The following SCAPER variants were observed in gnomAD, a reference collection of about 807,000 sequenced individuals.
SCAPER encodes the protein S phase cyclin A-associated protein in the endoplasmic reticulum.
Under a neutral mutation model 182.2 loss-of-function variants are expected in SCAPER, and 98 were observed. The ratio of observed to expected loss-of-function variants is 0.54; its 90% confidence interval spans 0.46 to 0.64. The LOEUF (loss-of-function observed/expected upper bound fraction) is 0.64. SCAPER is among the 30% of genes least tolerant of loss of function. SCAPER has a pLI of 0.00. For synonymous variants in SCAPER, 605 were observed against 564.6 expected (o/e 1.07, Z -1.01); for missense variants, 1,432 against 1,690.0 (o/e 0.85, Z 2.68).
At chr15:76,581,893 G>T (rs763504565) in intron 22 of SCAPER, among the ~76,000 whole-genome samples, 1 of 151,968 alleles carries the variant, frequency 6.6e-6, no homozygotes, top group Non-Finnish European at 1.5e-5. Context: ...GCCTGAAAAA[G>T]CATTTGATAA....
intron 2 of SCAPER, among the ~76,000 whole-genome samples, chr15:76,872,370 T>C (rs1338388902): frequency 6.6e-6 from 1 of 151,732 alleles, no homozygotes; most frequent in East Asian, 1.9e-4. Flanking sequence ...GCAGGATAAA[T>C]ACAAAGAAAA....
chr15:76,608,857 T>G (rs1196594666), intron 22 of SCAPER, among the ~76,000 whole-genome samples: 1 of 152,128 alleles, frequency 6.6e-6, no homozygotes, highest in Non-Finnish European at 1.5e-5. Context: ...TGTGCCGTTT[T>G]TTAAGCCCGT....
chr15:76,728,700 C>T lies in SCAPER; in HGVS notation c.2060G>A (p.Arg687His), dbSNP rs371718195. 1.5e-5 allele frequency: 24 copies of T among 1,612,766 alleles called. No homozygotes were observed. The highest frequency in any genetic ancestry group is 1.2e-4 in the South Asian group (11 of 91,048). The change falls in exon 17 of 32, where the codon CGT (arginine) becomes CAT (histidine). Residue 687 changes from arginine to histidine, a missense_variant. By Grantham distance (29) the Arg-to-His change is conservative. Around this residue, in one of 5 missense-constraint regions of SCAPER, gnomAD observed 88 missense variants for 184.2 expected, o/e 0.48. Transcript: ENST00000563290. Reference sequence around the variant, plus strand: ...CCTCTTCATTAACAATTCTTCTACACGGGCCTGCCGCTCTGCCTCTAGAGC... The same window carrying T: ...CCTCTTCATTAACAATTCTTCTACATGGGCCTGCCGCTCTGCCTCTAGAGC... ...KRALEAERQA[R>H]VEELLMKRKE...
chr15:76,534,348 C>T (rs2043944700), intron 23 of SCAPER, among the ~76,000 whole-genome samples: 2 of 152,074 alleles, frequency 1.3e-5, no homozygotes, highest in Admixed American at 1.3e-4. Context: ...TTAGTGGTCA[C>T]CAAGGGAGCA....
intron 17 of SCAPER, among the ~76,000 whole-genome samples, chr15:76,711,506 T>G (rs1194959658): frequency 1.3e-5 from 2 of 152,190 alleles, no homozygotes; most frequent in Non-Finnish European, 2.9e-5. Flanking sequence ...AACTTGTATA[T>G]TTAAAAAACT....
At chr15:76,603,993 T>C (rs1160596706) in intron 22 of SCAPER, among the ~76,000 whole-genome samples, 3 of 121,572 alleles carry the variant, frequency 2.5e-5, no homozygotes, top group African/African-American at 7.6e-5. Context: ...AGTCTGATGG[T>C]AGTTTCTTTT....
rs913710028 is a variant in SCAPER at position 76,550,109 on chromosome 15, A to AAAAAC, written c.2838+24044_2838+24048dup. On this transcript the variant is annotated intron_variant, in intron 23 of 31. Transcript: ENST00000563290. ...AAGGAACTCAAATAACCCAACAGTA[A>AAAAAC]AAAACAAAACAAAACAAAACAAAAC... Among the ~76,000 whole-genome samples, 28 of 152,314 alleles carry AAAAAC rather than the reference A, an allele frequency of 1.8e-4. 1 individual carries two copies. The South Asian group carries it at 2.9e-3, about 16-fold the overall frequency.
At chr15:76,515,171 C>T (rs1387003935) in intron 23 of SCAPER, among the ~76,000 whole-genome samples, 1 of 152,154 alleles carries the variant, frequency 6.6e-6, no homozygotes, top group East Asian at 1.9e-4. Context: ...AGGAACAATT[C>T]CTTTGCGATG....
chr15:76,363,022 T>C (rs909933945), intron 29 of SCAPER, among the ~76,000 whole-genome samples: 1 of 152,208 alleles, frequency 6.6e-6, no homozygotes, highest in Non-Finnish European at 1.5e-5. Context: ...TAAACACTTA[T>C]GTCACTGGGA....
At chr15:76,693,204 C>T in intron 20 of SCAPER, among the ~76,000 whole-genome samples, 1 of 152,042 alleles carries the variant, frequency 6.6e-6, no homozygotes, top group East Asian at 1.9e-4. Context: ...TAGATCCTTT[C>T]CTAGAAAATG....
intron 17 of SCAPER, among the ~76,000 whole-genome samples, chr15:76,721,735 A>G (rs1454742812): frequency 6.6e-6 from 1 of 151,454 alleles, no homozygotes; most frequent in African/African-American, 2.4e-5. Flanking sequence ...TTTGTCTGTT[A>G]TTGGTGTATA....
chr15:76,594,182 A>G (rs1161057897), intron 22 of SCAPER, among the ~76,000 whole-genome samples: 2 of 119,888 alleles, frequency 1.7e-5, no homozygotes, highest in Admixed American at 9.8e-5. Flanking sequence ...TGAAGCATAC[A>G]CAAGGATCAA....
At chr15:76,613,833 T>C (rs2051212438) in intron 22 of SCAPER, among the ~76,000 whole-genome samples, 1 of 152,202 alleles carries the variant, frequency 6.6e-6, no homozygotes, top group Non-Finnish European at 1.5e-5. Flanking sequence ...GTTCGGCCAT[T>C]GTGGAAGACA....
At chr15:76,746,712 G>A (rs1348536699) in intron 15 of SCAPER, among the ~76,000 whole-genome samples, 9 of 152,226 alleles carry the variant, frequency 5.9e-5, no homozygotes, top group Non-Finnish European at 1.0e-4. Flanking sequence ...AATTGATTGT[G>A]TGTCTACACA....
chr15:76,681,914 A>G (rs1202708664), intron 20 of SCAPER, among the ~76,000 whole-genome samples: 1 of 152,120 alleles, frequency 6.6e-6, no homozygotes. Context: ...AGGAGATTTT[A>G]GCCTTAGAGT....
intron 23 of SCAPER, among the ~76,000 whole-genome samples, chr15:76,506,316 A>G (rs1410807522): frequency 6.6e-6 from 1 of 152,160 alleles, no homozygotes. Flanking sequence ...TACCCCATTT[A>G]CTCAGATGTG....
intron 20 of SCAPER, among the ~76,000 whole-genome samples, chr15:76,695,298 T>C (rs921997314): frequency 2.0e-5 from 3 of 152,130 alleles, no homozygotes; most frequent in African/African-American, 7.2e-5. Context: ...TTCTTTCCTT[T>C]ATAAAAATTA....
At chr15:76,499,795 T>TCAGGATCTTGACAG (rs1310996727) in intron 24 of SCAPER, among the ~76,000 whole-genome samples, 10 of 152,158 alleles carry the variant, frequency 6.6e-5, no homozygotes, top group Non-Finnish European at 2.9e-5. Flanking sequence ...AGTGGTCACA[T>TCAGGATCTTGACAG]CAGGATCTTG....
intron 5 of SCAPER, among the ~76,000 whole-genome samples, chr15:76,832,113 C>T (rs1430672315): frequency 6.6e-6 from 1 of 152,204 alleles, no homozygotes; most frequent in African/African-American, 2.4e-5. Flanking sequence ...TGCACTAGCT[C>T]CTCAGCAATG....
Sources: gnomAD v4.1 joint callset for allele counts (sites outside exome capture counted in the v4.1 genomes callset) on GRCh38, gnomAD v4.1.1 for gene constraint, gnomAD v4.1.1 regional missense constraint, MANE v1.5 for transcripts, NCBI Gene and HGNC (gene_info 2026-07-23, HGNC 2026-07-21) for gene names.